The following FHIT variants were observed in gnomAD, a reference collection of about 807,000 sequenced individuals.
The protein encoded by FHIT is bis(5'-adenosyl)-triphosphatase.
A neutral mutation model predicts 17.9 loss-of-function variants in FHIT; 19 were observed. That is an observed-to-expected ratio of 1.06 (90% CI 0.74 to 1.56). The LOEUF (loss-of-function observed/expected upper bound fraction) is 1.56. Ranked by LOEUF, FHIT falls within the 40% of genes most tolerant of loss-of-function variation. The pLI is 0.00. For missense variants in FHIT, 248 were observed against 189.2 expected (o/e 1.31, Z -1.82); for synonymous variants, 81 against 69.7 (o/e 1.16, Z -0.81).
In FHIT at chr3:60,092,174, T is replaced by A. The variant is rs1282772462; in HGVS notation, c.104-78022A>T. 3.9e-5 allele frequency among the ~76,000 whole-genome samples: 6 copies of A among 152,334 alleles called. No individual in the cohort carries two copies. The East Asian group carries it at 1.2e-3, about 29-fold the overall frequency. On this transcript the variant is annotated intron_variant, in intron 5 of 9. Transcript: ENST00000492590. ...ATGTTGCAGATACTGAACACACATC[T>A]GTTAAATGAATGAAAATGAATGAAA...
intron 8 of FHIT, among the ~76,000 whole-genome samples, chr3:59,918,126 T>C (rs1705221131): frequency 6.6e-6 from 1 of 152,210 alleles, no homozygotes; most frequent in South Asian, 2.1e-4. Context: ...TATGAGTTAG[T>C]GAATTGACCG....
Position 60,213,993 on chromosome 3 carries a change from C to T in FHIT, c.104-199841G>A, listed in dbSNP as rs114710776. On this transcript the variant is annotated intron_variant, in intron 5 of 9. Transcript: ENST00000492590. ...TCAGGTAGCCTACAGATCCTGCAAC[C>T]GTGGTGTGTGGAACATAGGTGTCAT... Among the ~76,000 whole-genome samples, 908 of 152,094 alleles carry T rather than the reference C, an allele frequency of 6.0e-3. 5 individuals carry two copies. Among genetic ancestry groups the T allele is most frequent in the Middle Eastern group, 0.024 (7 of 294 alleles).
At chr3:60,356,427 G>A (rs1165381259) in intron 5 of FHIT, among the ~76,000 whole-genome samples, 4 of 152,028 alleles carry the variant, frequency 2.6e-5, no homozygotes, top group African/African-American at 9.7e-5. Context: ...AAAATGGACA[G>A]CCAATTTTTC....
At chr3:60,492,588 C>T (rs1425312771) in intron 5 of FHIT, among the ~76,000 whole-genome samples, 3 of 149,292 alleles carry the variant, frequency 2.0e-5, no homozygotes, top group African/African-American at 7.4e-5. Context: ...CTCACTGCAA[C>T]CGCCACCTCC....
chr3:60,014,427 G>A (rs920978096), intron 5 of FHIT, among the ~76,000 whole-genome samples: 1 of 152,190 alleles, frequency 6.6e-6, no homozygotes, highest in African/African-American at 2.4e-5. Flanking sequence ...TCAAGTGTAT[G>A]GTGAGATAAT....
chr3:60,206,120 G>C (rs1470567933), intron 5 of FHIT, among the ~76,000 whole-genome samples: 1 of 133,726 alleles, frequency 7.5e-6, no homozygotes, highest in Non-Finnish European at 1.6e-5. Context: ...GCGACACAGC[G>C]AGACTCCGTC....
chr3:60,548,870 A>G (rs2036455923), intron 4 of FHIT, among the ~76,000 whole-genome samples: 1 of 152,204 alleles, frequency 6.6e-6, no homozygotes, highest in Non-Finnish European at 1.5e-5. Flanking sequence ...CTTGACTCCA[A>G]CAATCTCTGC....
chr3:59,981,436 A>G (rs1418746976), intron 7 of FHIT, among the ~76,000 whole-genome samples: 2 of 152,120 alleles, frequency 1.3e-5, no homozygotes, highest in African/African-American at 2.4e-5. Context: ...CAATATCCAA[A>G]TTCTATTGCT....
intron 3 of FHIT, among the ~76,000 whole-genome samples, chr3:60,991,619 G>A (rs748251679): frequency 1.3e-5 from 2 of 152,108 alleles, no homozygotes; most frequent in African/African-American, 4.8e-5. Flanking sequence ...TTGAATCCTT[G>A]CTCTGCCATC....
chr3:60,582,959 A>G (rs1361640808), intron 4 of FHIT, among the ~76,000 whole-genome samples: 1 of 151,956 alleles, frequency 6.6e-6, no homozygotes, highest in Non-Finnish European at 1.5e-5. Flanking sequence ...CTTGAACCCT[A>G]TCTGCCTGAC....
At chr3:59,981,475 G>T (rs1708651829) in intron 7 of FHIT, among the ~76,000 whole-genome samples, 1 of 152,070 alleles carries the variant, frequency 6.6e-6, no homozygotes, top group South Asian at 2.1e-4. Context: ...CTGATTTCCT[G>T]CTGCAAAAAT....
At chr3:60,785,545 G>C (rs1700538072) in intron 4 of FHIT, among the ~76,000 whole-genome samples, 1 of 152,182 alleles carries the variant, frequency 6.6e-6, no homozygotes, top group South Asian at 2.1e-4. Context: ...TGCTGTGTCT[G>C]AAAGTTGACC....
At chr3:60,822,632 T>C (rs1480583708) in intron 3 of FHIT, among the ~76,000 whole-genome samples, 4 of 152,172 alleles carry the variant, frequency 2.6e-5, no homozygotes, top group African/African-American at 9.7e-5. Context: ...TCACTTTCTA[T>C]CTCTATCAAA....
intron 4 of FHIT, among the ~76,000 whole-genome samples, chr3:60,552,185 A>T (rs1480185406): frequency 1.3e-5 from 2 of 152,184 alleles, no homozygotes; most frequent in Non-Finnish European, 2.9e-5. Context: ...TTAAAGGCTG[A>T]ATAATACCCC....
intron 5 of FHIT, among the ~76,000 whole-genome samples, chr3:60,244,791 C>G (rs1041626955): frequency 3.9e-5 from 6 of 152,042 alleles, no homozygotes; most frequent in African/African-American, 1.4e-4. Flanking sequence ...TATTTTAAAG[C>G]AAAAGATCTT....
At chr3:60,505,422 A>G (rs2034687898) in intron 5 of FHIT, among the ~76,000 whole-genome samples, 2 of 152,242 alleles carry the variant, frequency 1.3e-5, no homozygotes, top group Admixed American at 1.3e-4. Flanking sequence ...ATTACTAAAT[A>G]TAAAAGCCTC....
At chr3:60,175,159 C>T (rs750209497) in intron 5 of FHIT, among the ~76,000 whole-genome samples, 2 of 152,148 alleles carry the variant, frequency 1.3e-5, no homozygotes, top group Admixed American at 6.5e-5. Flanking sequence ...GTTAATAAAA[C>T]ACCCCTCTTT....
chr3:60,226,917 A>G (rs978003186), intron 5 of FHIT, among the ~76,000 whole-genome samples: 1 of 152,188 alleles, frequency 6.6e-6, no homozygotes, highest in African/African-American at 2.4e-5. Flanking sequence ...TACCTAACGT[A>G]GTAAATGAAT....
intron 3 of FHIT, among the ~76,000 whole-genome samples, chr3:60,993,715 T>C (rs1387306267): frequency 6.6e-6 from 1 of 151,790 alleles, no homozygotes; most frequent in Non-Finnish European, 1.5e-5. Flanking sequence ...GCTGCATCCA[T>C]AAAAAAAAGG....
Sources: gnomAD v4.1 joint callset for allele counts (sites outside exome capture counted in the v4.1 genomes callset) on GRCh38, gnomAD v4.1.1 for gene constraint, MANE v1.5 for transcripts, NCBI Gene and HGNC (gene_info 2026-07-23, HGNC 2026-07-21) for gene names.